The following TRHDE variants were observed in gnomAD, a reference collection of about 807,000 sequenced individuals.
TRHDE encodes thyrotropin releasing hormone degrading enzyme, also known as thyrotropin-releasing hormone-degrading ectoenzyme.
TRHDE carries 72 observed loss-of-function variants against 125.7 expected under a neutral mutation model. The ratio of observed to expected loss-of-function variants is 0.57; its 90% confidence interval spans 0.47 to 0.70. The LOEUF is 0.70. Among genes scored for constraint, TRHDE ranks in the 30% least tolerant of loss-of-function variants. The pLI is 0.00. For synonymous variants in TRHDE, 509 were observed against 509.1 expected, an observed-to-expected ratio of 1.00 and a Z score of 0.00; for missense variants, 1,110 against 1,327.1, an observed-to-expected ratio of 0.84 and a Z score of 2.54.
chr12:72,553,199 A>T (rs528456114), intron 7 of TRHDE, among the ~76,000 whole-genome samples: 2 of 152,272 alleles, frequency 1.3e-5, no homozygotes, highest in East Asian at 3.9e-4. Flanking sequence ...ATTTATCATA[A>T]GCTCAGCTTT....
In TRHDE at chr12:72,358,552, A is replaced by C. The variant is rs1359461869; in HGVS notation, c.1189-19443A>C. Among the ~76,000 whole-genome samples, 5 of 151,578 alleles carry C rather than the reference A, an allele frequency of 3.3e-5. No individual in the cohort carries two copies. The East Asian group carries it at 9.7e-4, about 29-fold the overall frequency. On this transcript the variant is annotated intron_variant, in intron 2 of 18. Coordinates refer to ENST00000261180, the MANE Select transcript of TRHDE (RefSeq NM_013381.3). Reference sequence around the variant, plus strand: ...TAGTAGTTAAGTTTTGGGGTAGTTAAAAGTTCTACATGGGTTTTCTATTGC... The same window carrying C: ...TAGTAGTTAAGTTTTGGGGTAGTTACAAGTTCTACATGGGTTTTCTATTGC...
chr12:72,089,274 T>C (rs565962252), intron 1 of TRHDE, among the ~76,000 whole-genome samples: 4 of 152,208 alleles, frequency 2.6e-5, no homozygotes, highest in Non-Finnish European at 4.4e-5. Context: ...AGTTTTTTTC[T>C]TCTCAGCAAG....
intron 2 of TRHDE, among the ~76,000 whole-genome samples, chr12:72,369,817 A>G (rs1489425392): frequency 6.6e-6 from 1 of 152,134 alleles, no homozygotes; most frequent in Admixed American, 6.5e-5. Flanking sequence ...AAGCCTAGTA[A>G]GCAATTTACA....
At chr12:72,259,519 A>C (rs1878898682) in intron 2 of TRHDE, among the ~76,000 whole-genome samples, 1 of 152,206 alleles carries the variant, frequency 6.6e-6, no homozygotes, top group African/African-American at 2.4e-5. Context: ...ATTGCTGCTC[A>C]GGCATTGTTG....
At chr12:72,332,393 C>A (rs1869642231) in intron 2 of TRHDE, among the ~76,000 whole-genome samples, 1 of 152,188 alleles carries the variant, frequency 6.6e-6, no homozygotes, top group Non-Finnish European at 1.5e-5. Flanking sequence ...CCCACCTGGG[C>A]CTCCCAGAGT....
At position 72,224,162 on chromosome 12, in the gene TRHDE, G is replaced by GTATCTATCTATC. The variant is rs1219858596; in HGVS notation, n.279+118413_279+118414insCTATCTATCTAT. Among the ~76,000 whole-genome samples, 18 of 27,034 alleles carry GTATCTATCTATC rather than the reference G, an allele frequency of 6.7e-4. 1 individual carries two copies. The highest frequency in any genetic ancestry group is 1.8e-3 in the African/African-American group (16 of 8,782). 17.7% of individuals were successfully genotyped at this position (27,034 alleles called of 152,430 possible). On this transcript the variant is annotated intron_variant and non_coding_transcript_variant, in intron 2 of 4. Transcript: ENST00000548156. Reference sequence around the variant, plus strand: ...TCTATTTATCTATGTATGTATGTATGTATGTATCTATCTATCTATCTATCT... The same window carrying GTATCTATCTATC: ...TCTATTTATCTATGTATGTATGTATGTATCTATCTATCTATGTATCTATCTATCTATCTATCT...
intron 2 of TRHDE, among the ~76,000 whole-genome samples, chr12:72,153,936 G>A (rs564093875): frequency 5.3e-5 from 8 of 151,952 alleles, no homozygotes; most frequent in Non-Finnish European, 1.0e-4. Context: ...GCTGAGTTCA[G>A]TTCCTGGATA....
chr12:72,641,415 G>A lies in TRHDE; in HGVS notation c.2676-10907G>A, dbSNP rs570238984. On this transcript the variant is annotated intron_variant, in intron 15 of 18. Transcript: ENST00000261180. The stretch of plus-strand genomic sequence containing the variant: ...TATGAGTTTAAGAAAAGAAAGAGTA[G>A]TTACCTATAATGACCAAACCCTGAG... Among the ~76,000 whole-genome samples, 4 of 152,238 alleles carry A rather than the reference G, an allele frequency of 2.6e-5. No homozygotes were observed. In the East Asian group the frequency reaches 7.7e-4, roughly 29 times the overall value.
intron 10 of TRHDE, among the ~76,000 whole-genome samples, 185 bp downstream of exon 10, chr12:72,568,841 T>C (rs1230821090): frequency 1.3e-5 from 2 of 152,158 alleles, no homozygotes; most frequent in Admixed American, 6.6e-5. Context: ...TTTCAGTTTA[T>C]ATAATTACTA....
chr12:72,335,976 A>T (rs1167021286), intron 2 of TRHDE, among the ~76,000 whole-genome samples: 1 of 152,174 alleles, frequency 6.6e-6, no homozygotes, highest in Non-Finnish European at 1.5e-5. Context: ...AAAAGTTGTA[A>T]ATTTAAGATG....
chr12:72,353,573 A>G (rs1257867281), intron 2 of TRHDE, among the ~76,000 whole-genome samples: 1 of 151,622 alleles, frequency 6.6e-6, no homozygotes, highest in Admixed American at 6.6e-5. Flanking sequence ...TAAAAGATTC[A>G]TGCACCTGGG....
intron 2 of TRHDE, among the ~76,000 whole-genome samples, chr12:72,163,323 T>G (rs114594228): frequency 0.029 from 4,428 of 152,260 alleles, 108 homozygotes; most frequent in African/African-American, 0.064. Flanking sequence ...CTATAACAGC[T>G]TGTCTGAGGC....
chr12:72,344,842 C>T (rs992046589), intron 2 of TRHDE, among the ~76,000 whole-genome samples: 1 of 152,022 alleles, frequency 6.6e-6, no homozygotes, highest in African/African-American at 2.4e-5. Flanking sequence ...ATGAACACCC[C>T]TGGCTGCACA....
chr12:72,442,691 T>C (rs1316182191), intron 3 of TRHDE, among the ~76,000 whole-genome samples: 1 of 151,820 alleles, frequency 6.6e-6, no homozygotes, highest in Non-Finnish European at 1.5e-5. Context: ...CCTGCTCCTA[T>C]TTTGCACCCT....
intron 1 of TRHDE, among the ~76,000 whole-genome samples, chr12:72,279,800 G>A (rs1326800664): frequency 2.0e-5 from 3 of 152,076 alleles, no homozygotes; most frequent in Non-Finnish European, 4.4e-5. Context: ...TAGAACTGTG[G>A]CCCCAGTTGT....
At chr12:72,464,864 A>G (rs536720796) in intron 3 of TRHDE, among the ~76,000 whole-genome samples, 4 of 152,184 alleles carry the variant, frequency 2.6e-5, no homozygotes, top group Non-Finnish European at 5.9e-5. Flanking sequence ...GAGGCAAACA[A>G]GTAGAGCAAG....
chr12:72,157,151 A>G (rs1000638395), intron 2 of TRHDE, among the ~76,000 whole-genome samples: 2 of 150,388 alleles, frequency 1.3e-5, no homozygotes, highest in Non-Finnish European at 3.0e-5. Flanking sequence ...TCTGTCGCCC[A>G]GGCTGGAGTG....
intron 3 of TRHDE, among the ~76,000 whole-genome samples, chr12:72,415,476 C>G (rs905846588): frequency 2.0e-5 from 3 of 151,650 alleles, no homozygotes; most frequent in Admixed American, 1.3e-4. Context: ...GATCTTATAC[C>G]TTCTGTCTAA....
chr12:72,318,344 A>G (rs1868907958), intron 2 of TRHDE, among the ~76,000 whole-genome samples: 1 of 152,212 alleles, frequency 6.6e-6, no homozygotes, highest in African/African-American at 2.4e-5. Flanking sequence ...AGGAAGGCAG[A>G]TAAGTGCAGG....
Sources: allele counts gnomAD v4.1 joint callset (sites outside exome capture counted in the v4.1 genomes callset), GRCh38; gene constraint gnomAD v4.1.1; transcripts MANE v1.5; gene names NCBI Gene and HGNC (gene_info 2026-07-23, HGNC 2026-07-21).